Variants in RBFOX1 observed in about 807,000 individuals in gnomAD.
RBFOX1 encodes RNA binding fox-1 homolog 1.
In RBFOX1, 8 loss-of-function variants were observed where a neutral mutation model predicts 57.7. The observed-to-expected ratio is 0.14, with a 90% confidence interval of 0.08 to 0.25. RBFOX1 has a LOEUF of 0.25. Among genes scored for constraint, RBFOX1 ranks in the 10% least tolerant of loss-of-function variants. RBFOX1 has a pLI of 1.00. For synonymous variants in RBFOX1, 326 were observed against 222.4 expected, an observed-to-expected ratio of 1.47 and a Z score of -4.15; for missense variants, 611 against 548.5, an observed-to-expected ratio of 1.11 and a Z score of -1.14.
Position 6,234,072 on chromosome 16 carries a change from T to C in RBFOX1, c.-126-82923T>C, listed in dbSNP as rs552141937. On this transcript the variant is annotated intron_variant, in intron 1 of 15. Coordinates refer to ENST00000550418, the MANE Select transcript of RBFOX1 (RefSeq NM_018723.4). ...GCAGATGGGCAGGCTGGCCAAACACTGTAAAGCTTCTTTTATAAGAGCATT... is the reference window on the plus strand; with the variant it reads ...GCAGATGGGCAGGCTGGCCAAACACCGTAAAGCTTCTTTTATAAGAGCATT... Among the ~76,000 whole-genome samples the C allele has an allele frequency of 3.2e-3, 484 of 152,262 alleles. 2 individuals carry two copies. Among genetic ancestry groups the C allele is most frequent in the South Asian group, 5.0e-3 (24 of 4,828 alleles).
chr16:6,685,925 A>G (rs1315483386), intron 3 of RBFOX1, among the ~76,000 whole-genome samples: 1 of 152,176 alleles, frequency 6.6e-6, no homozygotes, highest in Non-Finnish European at 1.5e-5. Flanking sequence ...CTAGTATTTA[A>G]AAAGCTTTTA....
chr16:7,449,730 G>T (rs920034913), intron 4 of RBFOX1, among the ~76,000 whole-genome samples: 1 of 67,202 alleles, frequency 1.5e-5, no homozygotes, highest in Admixed American at 1.4e-4. Context: ...GTGTGTGTGT[G>T]GGGGGGGGGG....
intron 2 of RBFOX1, among the ~76,000 whole-genome samples, chr16:6,359,402 T>G (rs74249639): frequency 0.097 from 14,746 of 152,092 alleles, 875 homozygotes; most frequent in Middle Eastern, 0.17. Flanking sequence ...CTAAAAAGGG[T>G]CTTTTTGACT....
At chr16:5,609,727 G>C (rs1463758985) in intron 3 of RBFOX1, among the ~76,000 whole-genome samples, 4 of 152,076 alleles carry the variant, frequency 2.6e-5, no homozygotes, top group Non-Finnish European at 5.9e-5. Context: ...CTTTACACAT[G>C]CTGTTCCCCT....
chr16:5,831,266 G>C (rs576430662), intron 3 of RBFOX1, among the ~76,000 whole-genome samples: 1 of 152,004 alleles, frequency 6.6e-6, no homozygotes, highest in Non-Finnish European at 1.5e-5. Context: ...AGTGATGAGT[G>C]AGTGAGTTTT....
chr16:6,596,851 T>G (rs1408897359), intron 2 of RBFOX1, among the ~76,000 whole-genome samples: 2 of 152,290 alleles, frequency 1.3e-5, no homozygotes, highest in African/African-American at 4.8e-5. Context: ...TAGTTCTATA[T>G]AGTGCTATAT....
At chr16:6,214,270 A>T (rs1221877112) in intron 1 of RBFOX1, among the ~76,000 whole-genome samples, 2 of 152,068 alleles carry the variant, frequency 1.3e-5, no homozygotes, top group Non-Finnish European at 2.9e-5. Flanking sequence ...ATATGCTAGT[A>T]TGCATTAGGA....
chr16:7,235,642 A>G (rs1050732237), intron 4 of RBFOX1, among the ~76,000 whole-genome samples: 1 of 152,316 alleles, frequency 6.6e-6, no homozygotes, highest in Admixed American at 6.5e-5. Context: ...CTTTTGTGGG[A>G]TGAATATGAT....
intron 4 of RBFOX1, among the ~76,000 whole-genome samples, chr16:7,420,492 T>C (rs1471845639): frequency 6.6e-6 from 1 of 152,208 alleles, no homozygotes; most frequent in East Asian, 1.9e-4. Context: ...AATCGATACA[T>C]CTCTTGTCAG....
intron 2 of RBFOX1, among the ~76,000 whole-genome samples, chr16:5,564,759 A>C (rs548735004): frequency 1.3e-5 from 2 of 152,172 alleles, no homozygotes; most frequent in Admixed American, 1.3e-4. Flanking sequence ...TATCAAGTTC[A>C]TCATGGTCTT....
At chr16:5,683,384 T>C (rs1488499975) in intron 3 of RBFOX1, among the ~76,000 whole-genome samples, 1 of 152,032 alleles carries the variant, frequency 6.6e-6, no homozygotes. Flanking sequence ...GTCAACTTGA[T>C]TGGATTGAGG....
chr16:6,246,093 T>C (rs969815481), intron 1 of RBFOX1, among the ~76,000 whole-genome samples: 1 of 152,160 alleles, frequency 6.6e-6, no homozygotes, highest in Non-Finnish European at 1.5e-5. Flanking sequence ...ACAGTAGTTT[T>C]AACAAAACAA....
At chr16:6,288,465 A>C (rs970650821) in intron 1 of RBFOX1, among the ~76,000 whole-genome samples, 5 of 152,208 alleles carry the variant, frequency 3.3e-5, no homozygotes, top group African/African-American at 1.2e-4. Flanking sequence ...GATTTTAAAC[A>C]AATAAGGTCC....
At chr16:7,074,708 A>T (rs1392863947) in intron 4 of RBFOX1, among the ~76,000 whole-genome samples, 1 of 152,376 alleles carries the variant, frequency 6.6e-6, no homozygotes, top group African/African-American at 2.4e-5. Context: ...ACATCAGCTT[A>T]TACTCCAGAG....
intron 2 of RBFOX1, among the ~76,000 whole-genome samples, chr16:6,444,473 A>G (rs2094445964): frequency 1.3e-5 from 2 of 152,120 alleles, no homozygotes. Flanking sequence ...GATAATGAAT[A>G]AGTCTCATGA....
chr16:7,067,063 A>T (rs1169589997), intron 4 of RBFOX1, among the ~76,000 whole-genome samples: 1 of 152,176 alleles, frequency 6.6e-6, no homozygotes, highest in African/African-American at 2.4e-5. Flanking sequence ...AGTTAAGCTG[A>T]AGGGACACAC....
chr16:7,174,996 C>G (rs184389053), intron 4 of RBFOX1, among the ~76,000 whole-genome samples: 9 of 152,092 alleles, frequency 5.9e-5, no homozygotes, highest in African/African-American at 2.2e-4. Flanking sequence ...TTCCTGATGT[C>G]TAATGATGTT....
At chr16:7,525,711 G>A (rs977208325) in intron 5 of RBFOX1, among the ~76,000 whole-genome samples, 1 of 152,204 alleles carries the variant, frequency 6.6e-6, no homozygotes, top group Non-Finnish European at 1.5e-5. Flanking sequence ...GAGGTGTGCT[G>A]CCATTGCTTG....
intron 3 of RBFOX1, among the ~76,000 whole-genome samples, chr16:7,024,917 A>C (rs72776269): frequency 0.16 from 23,947 of 152,062 alleles, 2,002 homozygotes; most frequent in African/African-American, 0.2. Context: ...CTCACTTTAT[A>C]GAGGAGGACA....
Sources: allele counts gnomAD v4.1 joint callset (sites outside exome capture counted in the v4.1 genomes callset), GRCh38; gene constraint gnomAD v4.1.1; transcripts MANE v1.5; gene names NCBI Gene and HGNC (gene_info 2026-07-23, HGNC 2026-07-21).